Variants in RALGPS2 observed in about 807,000 individuals in gnomAD.
The protein encoded by RALGPS2 is Ral GEF with PH domain and SH3 binding motif 2.
A neutral mutation model predicts 86.8 loss-of-function variants in RALGPS2; 43 were observed. The ratio of observed to expected loss-of-function variants is 0.50; its 90% CI spans 0.39 to 0.64. The LOEUF (loss-of-function observed/expected upper bound fraction) is 0.64. Ranked by LOEUF, RALGPS2 falls within the 30% of genes least tolerant of loss-of-function variation. The pLI is 0.00. For synonymous variants in RALGPS2, 243 were observed against 231.3 expected (o/e 1.05, Z -0.46); for missense variants, 536 against 694.6 (o/e 0.77, Z 2.57).
chr1:178,818,228 G>C (rs116825491), intron 6 of RALGPS2, among the ~76,000 whole-genome samples: 4,602 of 152,098 alleles, frequency 0.03, 228 homozygotes, highest in African/African-American at 0.1. Flanking sequence ...TGCATGGTGG[G>C]GCTCTCCTGT....
At chr1:178,817,477 GATTT>G (rs1173679873) in intron 6 of RALGPS2, among the ~76,000 whole-genome samples, 1 of 149,978 alleles carries the variant, frequency 6.7e-6, no homozygotes, top group Admixed American at 6.6e-5. Context: ...CTGTTCCTTT[GATTT>G]ATTTGTCTAT....
intron 1 of RALGPS2, chr1:178,747,168 A>G: frequency 9.8e-7 from 1 of 1,022,048 alleles, no homozygotes; most frequent in Non-Finnish European, 1.6e-6. Context: ...TCTACCAGAG[A>G]GAAGGTGCTG....
At chr1:178,848,967 C>T (rs911493675) in intron 8 of RALGPS2, among the ~76,000 whole-genome samples, 1 of 152,276 alleles carries the variant, frequency 6.6e-6, no homozygotes, top group Admixed American at 6.5e-5. Flanking sequence ...TGATCACCTA[C>T]TCTATGCAAG....
At chr1:178,872,538 G>GA (rs1658816242) in intron 8 of RALGPS2, among the ~76,000 whole-genome samples, 2 of 152,066 alleles carry the variant, frequency 1.3e-5, no homozygotes, top group South Asian at 4.1e-4. Flanking sequence ...CATTATTCAG[G>GA]AAAAAAGAGC....
intron 18 of RALGPS2, among the ~76,000 whole-genome samples, chr1:178,905,154 CTGTT>C (rs1351717306): frequency 2.0e-5 from 3 of 152,002 alleles, no homozygotes; most frequent in Non-Finnish European, 2.9e-5. Flanking sequence ...ATTTGATTCT[CTGTT>C]TGGTCATTGT....
intron 19 of RALGPS2, 139 bp from the exon 20 acceptor site, chr1:178,916,191 T>C: frequency 1.5e-6 from 1 of 645,758 alleles, no homozygotes. Context: ...TCATAAACTA[T>C]TGAAGCTCCT....
chr1:178,822,214 A>G (rs755607166), intron 7 of RALGPS2, among the ~76,000 whole-genome samples: 4 of 152,228 alleles, frequency 2.6e-5, no homozygotes, highest in Non-Finnish European at 5.9e-5. Context: ...TATTATGTTA[A>G]TCATATTTGG....
chr1:178,811,791 A>G (rs1654986414), intron 6 of RALGPS2, among the ~76,000 whole-genome samples: 1 of 152,220 alleles, frequency 6.6e-6, no homozygotes, highest in Non-Finnish European at 1.5e-5. Context: ...CATGTGAAGA[A>G]TAAGACTTTA....
chr1:178,884,486 A>G (rs1253487850), intron 11 of RALGPS2, among the ~76,000 whole-genome samples: 1 of 152,040 alleles, frequency 6.6e-6, no homozygotes, highest in Non-Finnish European at 1.5e-5. Context: ...AAGTGGAGAA[A>G]CAAACCATGA....
intron 8 of RALGPS2, among the ~76,000 whole-genome samples, chr1:178,872,860 A>T (rs1292972532): frequency 6.6e-6 from 1 of 152,190 alleles, no homozygotes; most frequent in Non-Finnish European, 1.5e-5. Context: ...GAAAGTCAGG[A>T]GCTCAGTTAT....
intron 1 of RALGPS2, among the ~76,000 whole-genome samples, chr1:178,736,666 G>A (rs1182291575): frequency 1.3e-5 from 2 of 152,102 alleles, no homozygotes; most frequent in African/African-American, 4.8e-5. Flanking sequence ...GGGAGGCCAA[G>A]GTGGGCGGAT....
chr1:178,769,486 C>G (rs1652677690), intron 1 of RALGPS2, among the ~76,000 whole-genome samples: 1 of 151,616 alleles, frequency 6.6e-6, no homozygotes, highest in South Asian at 2.1e-4. Context: ...GGGTATGAAG[C>G]AGAGAGGGCC....
intron 1 of RALGPS2, chr1:178,747,245 T>G (rs576463371): frequency 6.7e-7 from 1 of 1,488,378 alleles, no homozygotes; most frequent in South Asian, 1.1e-5. Context: ...GGAGCCAGAT[T>G]CTCTCACTTT....
chr1:178,884,945 C>G, intron 11 of RALGPS2, 131 bp from the exon 12 acceptor site: 1 of 876,790 alleles, frequency 1.1e-6, no homozygotes, highest in Non-Finnish European at 1.6e-6. Context: ...AGATATATTT[C>G]TCATCTTCAA....
intron 10 of RALGPS2, chr1:178,879,741 A>ATT: frequency 6.7e-6 from 1 of 149,938 alleles, no homozygotes; most frequent in Non-Finnish European, 1.5e-5. Context: ...GTGAGCCGAG[A>ATT]GTGCACCATT....
In RALGPS2 at chr1:178,746,798, C is replaced by G. The variant is rs905604562; in HGVS notation, c.-84+21379C>G. 25 of 1,001,104 alleles carry G rather than the reference C, an allele frequency of 2.5e-5. No individual in the cohort carries two copies. In the South Asian group the frequency reaches 3.0e-4, roughly 12 times the overall value. 62.0% of individuals were successfully genotyped at this position (1,001,104 alleles called of 1,614,324 possible). ...CTTTCTGTCCTCTCACATACGTTTC[C>G]GTAGAACACTCTCATTGTTCTCCTC... On this transcript the variant is annotated intron_variant, in intron 1 of 19. Coordinates refer to ENST00000367635, the MANE Select transcript of RALGPS2 (RefSeq NM_152663.5).
chr1:178,853,088 G>T, intron 8 of RALGPS2: 1 of 1,423,136 alleles, frequency 7.0e-7, no homozygotes, highest in Non-Finnish European at 9.2e-7. Context: ...CATTTTAGTT[G>T]GTCACTTGCG....
chr1:178,853,392 A>G (rs1428918770), intron 8 of RALGPS2, among the ~76,000 whole-genome samples: 1 of 152,174 alleles, frequency 6.6e-6, no homozygotes, highest in African/African-American at 2.4e-5. Context: ...TTAAAAGTAT[A>G]TCTTCTGTTT....
intron 1 of RALGPS2, among the ~76,000 whole-genome samples, chr1:178,729,263 C>T (rs1412247368): frequency 6.6e-6 from 1 of 151,928 alleles, no homozygotes; most frequent in Non-Finnish European, 1.5e-5. Flanking sequence ...GTGCCTTTGC[C>T]TTGCTTTATT....
Sources: allele counts gnomAD v4.1 joint callset (sites outside exome capture counted in the v4.1 genomes callset), GRCh38; gene constraint gnomAD v4.1.1; transcripts MANE v1.5; gene names NCBI Gene and HGNC (gene_info 2026-07-23, HGNC 2026-07-21).